The following IL7 variants were observed in gnomAD, a reference collection of about 807,000 sequenced individuals.
IL7 encodes interleukin-7.
In IL7, 3 loss-of-function variants were observed where a neutral mutation model predicts 21.6. That is an observed-to-expected ratio of 0.14 (90% confidence interval 0.06 to 0.36). The LOEUF (loss-of-function observed/expected upper bound fraction) is 0.36, where lower values mean the gene tolerates loss of function less well. Ranked by LOEUF, IL7 falls within the 10% of genes least tolerant of loss-of-function variation. The probability of loss-of-function intolerance (pLI) is 1.00; values close to 1 mark genes in which losing one functional copy is unlikely to be tolerated. For synonymous variants in IL7, 62 were observed against 68.1 expected (o/e 0.91, Z 0.44); for missense variants, 175 against 200.2 (o/e 0.87, Z 0.76).
chr8:78,684,565 A>C (rs1204563937), intron 4 of IL7, among the ~76,000 whole-genome samples: 1 of 152,236 alleles, frequency 6.6e-6, no homozygotes, highest in Non-Finnish European at 1.5e-5. Context: ...GATATTTGAA[A>C]AGACTAGATA....
intron 2 of IL7, among the ~76,000 whole-genome samples, chr8:78,787,216 CAGAAGCACAGGTT>C (rs1813542099): frequency 6.6e-6 from 1 of 152,090 alleles, no homozygotes; most frequent in Non-Finnish European, 1.5e-5. Flanking sequence ...GCCAGTTGGT[CAGAAGCACAGGTT>C]AGACATCCTA....
chr8:78,741,062 T>A (rs557359191), intron 2 of IL7, among the ~76,000 whole-genome samples: 2 of 152,320 alleles, frequency 1.3e-5, no homozygotes, highest in South Asian at 4.1e-4. Context: ...GCCTATGTAA[T>A]GTCTCCAGAG....
intron 2 of IL7, among the ~76,000 whole-genome samples, chr8:78,791,394 C>T (rs1813689783): frequency 6.6e-6 from 1 of 152,168 alleles, no homozygotes; most frequent in Admixed American, 6.6e-5. Flanking sequence ...AATCCCAGCA[C>T]TTCGAGAGGC....
intron 2 of IL7, among the ~76,000 whole-genome samples, chr8:78,794,362 T>C (rs1813788826): frequency 6.6e-6 from 1 of 152,122 alleles, no homozygotes; most frequent in Non-Finnish European, 1.5e-5. Context: ...TTAGCAGTTA[T>C]GAAAACATTA....
At chr8:78,731,660 G>A (rs1025444335), downstream of IL7, among the ~76,000 whole-genome samples, 2 of 151,796 alleles carry the variant, frequency 1.3e-5, no homozygotes, top group African/African-American at 4.8e-5. Context: ...ATCTCTAATT[G>A]TGGAGTAGAT....
rs563427094 is a variant in IL7 at position 78,787,479 on chromosome 8, G to GT, written c.147+10592dup. ...TGTTGAGGGAGAGAATAAGAAAACT[G>GT]TTTTTTTTCCCACAGATACTCTCTG... On this transcript the variant is annotated intron_variant, in intron 2 of 5. Coordinates refer to ENST00000263851, the MANE Select transcript of IL7 (RefSeq NM_000880.4). 6.7e-3 allele frequency among the ~76,000 whole-genome samples: 1,019 copies of GT among 151,898 alleles called. 14 individuals are homozygous for GT. The highest frequency in any genetic ancestry group is 0.022 in the African/African-American group (922 of 41,406).
intron 4 of IL7, among the ~76,000 whole-genome samples, chr8:78,683,720 A>T (rs1462584295): frequency 1.3e-5 from 2 of 152,128 alleles, no homozygotes; most frequent in Admixed American, 6.5e-5. Flanking sequence ...AGCAGCCATG[A>T]ATTTCTCCCC....
rs1465786603 is a variant in IL7, at chr8:78,733,679, A to G, written c.*34T>C. ...GATAGATTCTTGGAGGATGCAGCTA[A>G]AGTTCGTGTTTCTATATTGCCACTC... On this transcript the variant is annotated 3_prime_UTR_variant, in exon 6 of 6. Transcript: ENST00000263851. 6.3e-7 allele frequency: 1 copy of G among 1,587,994 alleles called. No homozygotes were observed. Among genetic ancestry groups the G allele is most frequent in the South Asian group, 1.2e-5 (1 of 86,176 alleles).
chr8:78,731,112 G>A (rs865912135), downstream of IL7, among the ~76,000 whole-genome samples: 1 of 151,992 alleles, frequency 6.6e-6, no homozygotes, highest in African/African-American at 2.4e-5. Flanking sequence ...TTAACAAAAT[G>A]TCCTTCTTAA....
chr8:78,802,000 G>A (rs1023436008), intron 1 of IL7, among the ~76,000 whole-genome samples: 8 of 152,186 alleles, frequency 5.3e-5, no homozygotes, highest in South Asian at 2.1e-4. Flanking sequence ...TTAGGTTACC[G>A]AAAAGATAAA....
At chr8:78,680,421 A>C (rs958811193) in intron 4 of IL7, among the ~76,000 whole-genome samples, 13 of 152,110 alleles carry the variant, frequency 8.5e-5, no homozygotes, top group African/African-American at 3.1e-4. Context: ...CTTGTTAGAC[A>C]TACAGAATCT....
chr8:78,690,164 C>G (rs911527091), intron 3 of IL7, among the ~76,000 whole-genome samples: 2 of 151,308 alleles, frequency 1.3e-5, no homozygotes, highest in Non-Finnish European at 3.0e-5. Context: ...ATTTATATCC[C>G]TGTCCTTTAG....
chr8:78,758,074 C>T (rs1285900467), intron 2 of IL7, among the ~76,000 whole-genome samples: 1 of 152,000 alleles, frequency 6.6e-6, no homozygotes, highest in African/African-American at 2.4e-5. Context: ...TCCATTTAAC[C>T]TCTTTCCTTT....
At chr8:78,686,601 TG>T (rs1336003805) in intron 3 of IL7, 3 of 1,509,752 alleles carry the variant, frequency 2.0e-6, no homozygotes, top group Non-Finnish European at 2.7e-6. Context: ...CACCTTCTTA[TG>T]ATCCTGGTAT....
chr8:78,788,365 C>A (rs571895398), intron 2 of IL7, among the ~76,000 whole-genome samples: 15 of 151,886 alleles, frequency 9.9e-5, no homozygotes, highest in African/African-American at 3.6e-4. Context: ...TTTTTCTTTT[C>A]TTTCTATGCA....
At chr8:78,738,378 C>T in intron 4 of IL7, 126 bp downstream of exon 4, 1 of 775,382 alleles carries the variant, frequency 1.3e-6, no homozygotes, top group South Asian at 2.5e-5. Context: ...AGTAAACATA[C>T]TTCAACTTTA....
chr8:78,677,255 A>G (rs1179747236), intron 4 of IL7, among the ~76,000 whole-genome samples: 1 of 152,090 alleles, frequency 6.6e-6, no homozygotes, highest in East Asian at 1.9e-4. Flanking sequence ...TGGAGGGAGA[A>G]TGTTTATCCA....
intron 2 of IL7, among the ~76,000 whole-genome samples, chr8:78,773,276 A>G (rs1161573253): frequency 6.6e-6 from 1 of 152,106 alleles, no homozygotes; most frequent in Non-Finnish European, 1.5e-5. Flanking sequence ...GGAGGAAACC[A>G]AAGTACCCAG....
intron 3 of IL7, among the ~76,000 whole-genome samples, chr8:78,698,222 G>T (rs1775031231): frequency 1.3e-5 from 2 of 151,980 alleles, no homozygotes; most frequent in African/African-American, 4.8e-5. Flanking sequence ...ATTATAAGAG[G>T]GACATTTAGA....
Sources: allele counts gnomAD v4.1 joint callset (sites outside exome capture counted in the v4.1 genomes callset), GRCh38; gene constraint gnomAD v4.1.1; transcripts MANE v1.5; gene names NCBI Gene and HGNC (gene_info 2026-07-23, HGNC 2026-07-21).